Variants in TRIM67 observed in about 807,000 individuals in gnomAD.
The protein encoded by TRIM67 is tripartite motif-containing protein 67.
In TRIM67, 39 loss-of-function variants were observed where a neutral mutation model predicts 71.0. That is an observed-to-expected ratio of 0.55 (90% CI 0.43 to 0.72). The LOEUF is 0.72. TRIM67 is among the 30% of genes least tolerant of loss of function. The pLI, the probability that TRIM67 is intolerant of heterozygous loss-of-function variation, is 0.00. For synonymous variants in TRIM67, 481 were observed against 473.9 expected, an observed-to-expected ratio of 1.01 and a Z score of -0.19; for missense variants, 973 against 1,079.2, an observed-to-expected ratio of 0.90 and a Z score of 1.38.
At chr1:231,180,479 C>A (rs1246379115) in intron 1 of TRIM67, among the ~76,000 whole-genome samples, 1 of 152,096 alleles carries the variant, frequency 6.6e-6, no homozygotes, top group African/African-American at 2.4e-5. Flanking sequence ...ACCTCCCTCC[C>A]AGCGTGCTAG....
At chr1:231,188,515 G>A (rs1241297983) in intron 1 of TRIM67, among the ~76,000 whole-genome samples, 1 of 152,154 alleles carries the variant, frequency 6.6e-6, no homozygotes, top group Admixed American at 6.5e-5. Context: ...GCCTCCGAGG[G>A]ATTTTAATGG....
rs1480628497 is a variant in TRIM67, at chr1:231,218,049, T to C, written c.*2609T>C. 2.6e-6 allele frequency: 3 copies of C among 1,161,750 alleles called. No individual in the cohort carries two copies. The highest frequency in any genetic ancestry group is 3.2e-6 in the Non-Finnish European group (3 of 925,284). 72.0% of individuals were successfully genotyped at this position (1,161,750 alleles called of 1,614,324 possible). A position where few individuals can be genotyped will look rare whatever the true frequency, so the allele number is the denominator to read the frequency against. ...AGCTCTCCTTCACAGACACCTCTCC[T>C]GTCTTCAGCACAAAACACCTTCAAT... is the stretch of plus-strand genomic sequence containing the variant. On this transcript the variant is annotated 3_prime_UTR_variant, in exon 10 of 10. Coordinates refer to ENST00000366653, the MANE Select transcript of TRIM67 (RefSeq NM_001004342.5).
intron 5 of TRIM67, 49 bp from the exon 6 acceptor site, chr1:231,203,818 G>C: frequency 1.3e-6 from 2 of 1,583,360 alleles, no homozygotes; most frequent in Non-Finnish European, 1.7e-6. Context: ...GACCGGGCTG[G>C]GGCCCTCGGA....
chr1:231,162,743 G>T lies in TRIM67; in HGVS notation c.-227G>T. The T allele has an allele frequency of 1.8e-6, 1 of 559,334 alleles. No individual in the cohort carries two copies. The highest frequency in any genetic ancestry group is 3.0e-6 in the Non-Finnish European group (1 of 329,932). 34.6% of individuals were successfully genotyped at this position (559,334 alleles called of 1,614,324 possible). On this transcript the variant is annotated 5_prime_UTR_variant, in exon 1 of 10. Transcript: ENST00000366653. The stretch of plus-strand genomic sequence containing the variant: ...TTGAAGCCGCTGGTGCGGGACCCTC[G>T]GGCAGGAGGTGAGGACCCCCTCCCT...
rs747490673 is a variant in TRIM67, at chr1:231,209,845, C to A, written c.2123+595C>A. Reference sequence around the variant, plus strand: ...AGACTGGCCCTGGGAGTAGGGTCACCAGCATGGACACAGGAGACTCAGGTC... The same window carrying A: ...AGACTGGCCCTGGGAGTAGGGTCACAAGCATGGACACAGGAGACTCAGGTC... On this transcript the variant is annotated intron_variant, in intron 8 of 9. Transcript: ENST00000366653. This position sits in a 1 kb window ranked among gnomAD's most constrained non-coding sequence, Gnocchi z 4.1. 4.6e-5 allele frequency among the ~76,000 whole-genome samples: 7 copies of A among 152,180 alleles called. No homozygotes were observed. The highest frequency in any genetic ancestry group is 4.6e-4 in the Admixed American group (7 of 15,284).
In TRIM67 at chr1:231,216,708, C is replaced by T. The variant is rs571750972; in HGVS notation, c.*1268C>T. On this transcript the variant is annotated 3_prime_UTR_variant, in exon 10 of 10. Coordinates refer to ENST00000366653, the MANE Select transcript of TRIM67 (RefSeq NM_001004342.5). ...CTTCCCACTGTGAGACTGGGTGTGC[C>T]GAGTCTGACCTGCCAGGGCAGGACT... 11 of 985,394 alleles carry T rather than the reference C, an allele frequency of 1.1e-5. No individual in the cohort carries two copies. Among genetic ancestry groups the T allele is most frequent in the African/African-American group, 1.7e-5 (1 of 57,242 alleles). The allele number at this position is 985,394 out of a possible 1,614,324, so 61.0% of individuals were successfully genotyped here.
chr1:231,204,387 G>A (rs1346694324), intron 6 of TRIM67, among the ~76,000 whole-genome samples: 1 of 152,142 alleles, frequency 6.6e-6, no homozygotes, highest in Non-Finnish European at 1.5e-5. Flanking sequence ...TATCATTTCT[G>A]GAGACGAGGA....
intron 1 of TRIM67, among the ~76,000 whole-genome samples, chr1:231,194,062 C>T (rs545427729): frequency 6.6e-6 from 1 of 152,294 alleles, no homozygotes; most frequent in African/African-American, 2.4e-5. Context: ...CGCACTGGCA[C>T]GCGGATCTCA....
In TRIM67 at chr1:231,218,805, C is replaced by G. The variant is rs893752440; in HGVS notation, c.*3365C>G. ...TGGTGCTTTCCGGATTGAGCCTGGG[C>G]AGGCTCTGTGGAGCTCACCAAGAGA... is the stretch of plus-strand genomic sequence containing the variant. On this transcript the variant is annotated 3_prime_UTR_variant, in exon 10 of 10. Transcript: ENST00000366653. The G allele has an allele frequency of 1.5e-5, 15 of 985,462 alleles. No homozygotes were observed. The African/African-American group carries it at 2.3e-4, about 15-fold the overall frequency. The allele number at this position is 985,462 out of a possible 1,614,324, so 61.0% of individuals were successfully genotyped here. A position where few individuals can be genotyped will look rare whatever the true frequency, so the allele number is the denominator to read the frequency against.
At position 231,163,446 on chromosome 1, in the gene TRIM67, C is replaced by T. The variant is rs1345688058; in HGVS notation, c.477C>T (p.Cys159=). The T allele has an allele frequency of 1.9e-6, 3 of 1,540,442 alleles. No individual in the cohort carries two copies. Among genetic ancestry groups the T allele is most frequent in the Admixed American group, 1.9e-5 (1 of 51,702 alleles). Reference sequence around the variant, plus strand: ...CCTCGTCTTCGAGCTCCATCACGTGCCCGCAGTGCCACCGCAGCGCATCCC... The same window carrying T: ...CCTCGTCTTCGAGCTCCATCACGTGTCCGCAGTGCCACCGCAGCGCATCCC... ...SLSSSSSSIT[C]PQCHRSASLD... is the part of the protein sequence containing the mutation. The change falls in exon 1 of 10, where the codon TGC becomes TGT. Residue 159 remains cysteine (C), a synonymous_variant. Transcript: ENST00000366653.
intron 1 of TRIM67, among the ~76,000 whole-genome samples, chr1:231,192,788 A>G (rs560223023): frequency 6.6e-6 from 1 of 152,340 alleles, no homozygotes; most frequent in South Asian, 2.1e-4. Context: ...AGGTGACCTC[A>G]CCAAGGGGGC....
chr1:231,204,924 G>A (rs573951855), intron 6 of TRIM67, among the ~76,000 whole-genome samples: 14 of 152,320 alleles, frequency 9.2e-5, no homozygotes, highest in African/African-American at 2.4e-4. Flanking sequence ...CAGCACTTCC[G>A]TGGGAATTAC....
intron 8 of TRIM67, among the ~76,000 whole-genome samples, chr1:231,211,046 A>T (rs1398179387): frequency 9.0e-4 from 122 of 136,046 alleles, no homozygotes; most frequent in African/African-American, 3.6e-3. Flanking sequence ...ATATATATAT[A>T]TATATTTTGT....
intron 1 of TRIM67, among the ~76,000 whole-genome samples, chr1:231,183,373 A>G (rs1682961351): frequency 6.6e-6 from 1 of 152,174 alleles, no homozygotes; most frequent in Non-Finnish European, 1.5e-5. Context: ...TTGAGGCAAG[A>G]GGATCACTTG....
At chr1:231,174,613 CTG>C in intron 1 of TRIM67, among the ~76,000 whole-genome samples, 1 of 152,128 alleles carries the variant, frequency 6.6e-6, no homozygotes, top group Non-Finnish European at 1.5e-5. Context: ...TCTCCCTTCT[CTG>C]TCTCCACTCT....
At position 231,215,423 on chromosome 1, in the gene TRIM67, A is replaced by G. The variant is rs1293214313; in HGVS notation, c.2335A>G (p.Lys779Glu). 1.2e-6 allele frequency: 2 copies of G among 1,611,076 alleles called. No homozygotes were observed. Among genetic ancestry groups the G allele is most frequent in the Admixed American group, 3.3e-5 (2 of 59,828 alleles). ...AGTGCCGACTAACCTGGGGCGGCCA[A>G]AGCTGTCAGGCAATTAGCCCCGCTC... Reference protein sequence around the residue: ...LEVPTNLGRPKLSGN With the variant: ...LEVPTNLGRPELSGN Residue 779 changes from lysine to glutamate, a missense_variant, in exon 10 of 10, where the codon AAG becomes GAG. Lys to Glu is a moderately conservative substitution (Grantham distance 56). Transcript: ENST00000366653.
rs529019879 is a variant in TRIM67 at position 231,200,330 on chromosome 1, T to G, written c.1374+72T>G. The G allele has an allele frequency of 1.2e-5, 12 of 967,168 alleles. No individual in the cohort carries two copies. In the South Asian group the frequency reaches 1.4e-4, roughly 12 times the overall value. 59.9% of individuals were successfully genotyped at this position (967,168 alleles called of 1,614,324 possible). On this transcript the variant is annotated intron_variant, in intron 4 of 9. Transcript: ENST00000366653. ...CCACTGTTCCCCAAATCAGCCCAAG[T>G]TCTAGGCAAGATCCTTTCACGGCTT...
chr1:231,175,720 A>G (rs1682730191), intron 1 of TRIM67, among the ~76,000 whole-genome samples: 3 of 152,222 alleles, frequency 2.0e-5, no homozygotes, highest in Admixed American at 1.3e-4. Context: ...ATAGCCCAGA[A>G]CAAAGAGCAG....
intron 1 of TRIM67, among the ~76,000 whole-genome samples, chr1:231,172,342 A>G (rs534033642): frequency 1.8e-4 from 28 of 152,238 alleles, no homozygotes; most frequent in African/African-American, 6.7e-4. Context: ...GGAAAAGGGA[A>G]TCGAAGGTGG....
Sources: allele counts gnomAD v4.1 joint callset (sites outside exome capture counted in the v4.1 genomes callset), GRCh38; gene constraint gnomAD v4.1.1; non-coding constraint Gnocchi (gnomAD v3.1); transcripts MANE v1.5; gene names NCBI Gene and HGNC (gene_info 2026-07-23, HGNC 2026-07-21).